TUBA3C: variants seen among roughly 807,000 people sequenced by gnomAD.
TUBA3C encodes tubulin alpha 3c, also known as tubulin alpha-3C chain.
Under a neutral mutation model 33.4 loss-of-function variants are expected in TUBA3C, and 23 were observed. The ratio of observed to expected loss-of-function variants is 0.69; its 90% CI spans 0.50 to 0.98. The LOEUF is 0.98. Among genes scored for constraint, TUBA3C ranks in the 50% least tolerant of loss-of-function variants. The probability of loss-of-function intolerance (pLI) is 0.00; values close to 1 mark genes in which losing one functional copy is unlikely to be tolerated. For synonymous variants in TUBA3C, 269 were observed against 250.4 expected (o/e 1.07, Z -0.70); for missense variants, 402 against 616.0 (o/e 0.65, Z 3.68).
chr13:19,181,419 G>T lies in TUBA3C; in HGVS notation c.3+326C>A, dbSNP rs143480098. On this transcript the variant is annotated intron_variant, in intron 1 of 4. Coordinates refer to ENST00000400113, the MANE Select transcript of TUBA3C (RefSeq NM_006001.3). ...AATAGGACAGAGACATTTGGAGACC[G>T]GAAAGCGGGAGCAGCGCCCTTCTGT... Among the ~76,000 whole-genome samples the T allele has an allele frequency of 5.0e-3, 758 of 152,258 alleles. 6 individuals are homozygous for T. Among genetic ancestry groups the T allele is most frequent in the Non-Finnish European group, 5.2e-3 (353 of 68,022 alleles).
chr13:19,177,152 T>A lies in TUBA3C; in HGVS notation c.831A>T (p.Ser277=), dbSNP rs147482964. The change falls in exon 4 of 5, where the codon TCA becomes TCT. Residue 277 remains serine (S), a synonymous_variant. Coordinates refer to ENST00000400113, the MANE Select transcript of TUBA3C (RefSeq NM_006001.3). The surrounding 1 kb of genome is among the most constrained non-coding windows in gnomAD (Gnocchi z 5.0). ...FPLATYAPVI[S]AEKAYHEQLS... ...GCTGCTCGTGGTAGGCCTTCTCGGC[T>A]GAGATGACCGGGGCGTAGGTGGCCA... The A allele has an allele frequency of 4.3e-6, 7 of 1,613,582 alleles. No homozygotes were observed. Among genetic ancestry groups the A allele is most frequent in the Non-Finnish European group, 5.9e-6 (7 of 1,179,816 alleles).
chr13:19,180,720 C>CTCCT (rs1481509094), intron 1 of TUBA3C, among the ~76,000 whole-genome samples: 2 of 152,042 alleles, frequency 1.3e-5, no homozygotes, highest in African/African-American at 4.8e-5. Context: ...TGGTCTCGAT[C>CTCCT]TCCTGACCTT....
chr13:19,177,846 G>GTTTTTTTTTTTTTTTTTTT lies in TUBA3C; in HGVS notation c.376-258_376-240dup, dbSNP rs5802006. 7.8e-6 allele frequency among the ~76,000 whole-genome samples: 1 copy of GTTTTTTTTTTTTTTTTTTT among 128,544 alleles called. No individual in the cohort carries two copies. Among genetic ancestry groups the GTTTTTTTTTTTTTTTTTTT allele is most frequent in the Non-Finnish European group, 1.7e-5 (1 of 60,538 alleles). 84.3% of individuals were successfully genotyped at this position (128,544 alleles called of 152,430 possible). On this transcript the variant is annotated intron_variant, in intron 3 of 4. Coordinates refer to ENST00000400113, the MANE Select transcript of TUBA3C (RefSeq NM_006001.3). This position sits in a 1 kb window ranked among gnomAD's most constrained non-coding sequence, Gnocchi z 5.0. ...AGGACTCAAGATACTGTTCTAAGTT[G>GTTTTTTTTTTTTTTTTTTT]TTTTTTTTTTTTTTTTTTTAGATAG...
chr13:19,178,353 C>G lies in TUBA3C; in HGVS notation c.268G>C (p.Glu90Gln). 1 of 1,614,196 alleles carries G rather than the reference C, an allele frequency of 6.2e-7. No homozygotes were observed. The highest frequency in any genetic ancestry group is 8.5e-7 in the Non-Finnish European group (1 of 1,180,034). The part of the protein sequence containing the change: ...TGTYRQLFHP[E>Q]QLITGKEDAA... The stretch of plus-strand genomic sequence containing the variant: ...TCTTCCTTCCCGGTGATCAGCTGCT[C>G]TGGGTGGAAGAGCTGCCTATAGGTT... The change falls in exon 3 of 5, where the codon GAG becomes CAG. Residue 90 changes from glutamate (E) to glutamine (Q), a missense_variant. Glu to Gln is a conservative substitution (Grantham distance 29, BLOSUM62 2). Transcript: ENST00000400113.
rs397839831 is a variant in TUBA3C at position 19,177,116 on chromosome 13, A to G, written c.867T>C (p.Ala289=). The change falls in exon 4 of 5, where the codon GCT becomes GCC. Residue 289 remains alanine (A), a synonymous_variant. Transcript: ENST00000400113. The surrounding 1 kb of genome is among the most constrained non-coding windows in gnomAD (Gnocchi z 5.0). Reference sequence around the variant, plus strand: ...GCTCGAAGCAGGCATTGGTGATCTCAGCCACGGACAGCTGCTCGTGGTAGG... The same window carrying G: ...GCTCGAAGCAGGCATTGGTGATCTCGGCCACGGACAGCTGCTCGTGGTAGG... The part of the protein sequence containing the change: ...EKAYHEQLSV[A]EITNACFEPA... 6.2e-7 allele frequency: 1 copy of G among 1,614,120 alleles called. No homozygotes were observed. The highest frequency in any genetic ancestry group is 8.5e-7 in the Non-Finnish European group (1 of 1,180,034).
Position 19,173,876 on chromosome 13 carries a change from C to A in TUBA3C, c.1340G>T (p.Gly447Val), listed in dbSNP as rs1290837472. 3.7e-6 allele frequency: 6 copies of A among 1,613,280 alleles called. No homozygotes were observed. In the South Asian group the frequency reaches 5.5e-5, roughly 15 times the overall value. The change falls in exon 5 of 5, where the codon GGT becomes GTT. Residue 447 changes from glycine to valine, a missense_variant. Transcript: ENST00000400113. ...VDSVEAEAEE[G>V]EEY is the part of the protein sequence containing the mutation. ...CACACCCTCCCCTCAGTATTCTTCA[C>A]CTTCTTCAGCCTCGGCTTCCACGGA...
chr13:19,180,824 A>G (rs1159033403), intron 1 of TUBA3C, among the ~76,000 whole-genome samples: 3 of 151,778 alleles, frequency 2.0e-5, no homozygotes, highest in African/African-American at 7.3e-5. Context: ...CAGCTGTGGC[A>G]GCACACACCT....
At position 19,173,875 on chromosome 13, in the gene TUBA3C, A is replaced by G. The variant is rs1052468; in HGVS notation, c.1341T>C (p.Gly447=). Residue 447 remains glycine, a synonymous_variant, in exon 5 of 5, where the codon GGT becomes GGC. Transcript: ENST00000400113. ...CCACACCCTCCCCTCAGTATTCTTC[A>G]CCTTCTTCAGCCTCGGCTTCCACGG... ...VDSVEAEAEE[G]EEY 1 of 1,613,122 alleles carries G rather than the reference A, an allele frequency of 6.2e-7. No individual in the cohort carries two copies. The highest frequency in any genetic ancestry group is 1.7e-5 in the Admixed American group (1 of 59,964).
chr13:19,175,044 C>T (rs752909838), intron 4 of TUBA3C, among the ~76,000 whole-genome samples: 47 of 152,052 alleles, frequency 3.1e-4, no homozygotes, highest in Admixed American at 7.2e-4. Context: ...GTCAGGAGAT[C>T]GAGACCATCC....
chr13:19,176,061 G>A (rs992462097), intron 4 of TUBA3C, among the ~76,000 whole-genome samples: 5 of 152,108 alleles, frequency 3.3e-5, no homozygotes, highest in Non-Finnish European at 7.3e-5. Flanking sequence ...TATTTTTAGT[G>A]GAGAGCTGTG....
chr13:19,178,528 G>A, intron 2 of TUBA3C, 134 bp from the exon 3 acceptor site: 1 of 1,220,124 alleles, frequency 8.2e-7, no homozygotes, highest in Non-Finnish European at 1.1e-6. Context: ...GGTCAACAGT[G>A]GCAGTGTCTG....
chr13:19,179,841 A>T (rs953576512), intron 1 of TUBA3C, among the ~76,000 whole-genome samples: 3 of 152,208 alleles, frequency 2.0e-5, no homozygotes, highest in African/African-American at 7.2e-5. Context: ...AAGCCATGTA[A>T]TGTCAGTAAT....
chr13:19,175,425 A>C (rs1869144368), intron 4 of TUBA3C, among the ~76,000 whole-genome samples: 1 of 152,122 alleles, frequency 6.6e-6, no homozygotes, highest in South Asian at 2.1e-4. Context: ...TTGGTTACTA[A>C]ATCTTGTGGC....
intron 4 of TUBA3C, among the ~76,000 whole-genome samples, chr13:19,175,498 C>G (rs1430662101): frequency 1.3e-5 from 2 of 152,144 alleles, no homozygotes; most frequent in African/African-American, 4.8e-5. Context: ...GGCTCAGACC[C>G]CCACCGTCTC....
intron 1 of TUBA3C, among the ~76,000 whole-genome samples, chr13:19,181,137 C>T (rs1323162256): frequency 6.6e-6 from 1 of 151,432 alleles, no homozygotes; most frequent in Non-Finnish European, 1.5e-5. Flanking sequence ...ACTGCGGCCT[C>T]GAAGTCCTGG....
chr13:19,179,360 G>A lies in TUBA3C; in HGVS notation c.207C>T (p.Asp69=). The part of the protein sequence containing the change: ...GKHVPRAVFV[D]LEPTVVDEVR... ...ACCTACCGACCACAGTGGGCTCCAG[G>A]TCCACAAACACTGCTCTGGGCACGT... Residue 69 remains aspartate (D), a synonymous_variant, in exon 2 of 5, where the codon GAC becomes GAT. Transcript: ENST00000400113. 1.2e-6 allele frequency: 2 copies of A among 1,613,966 alleles called. No homozygotes were observed. The highest frequency in any genetic ancestry group is 1.7e-6 in the Non-Finnish European group (2 of 1,179,874).
chr13:19,175,307 C>T (rs149980367), intron 4 of TUBA3C, among the ~76,000 whole-genome samples: 14 of 152,268 alleles, frequency 9.2e-5, no homozygotes, highest in Middle Eastern at 6.8e-3. Context: ...ATTTCTTTTC[C>T]GGGAAGCCTA....
intron 1 of TUBA3C, among the ~76,000 whole-genome samples, chr13:19,181,435 G>A (rs559904990): frequency 9.9e-5 from 15 of 152,240 alleles, no homozygotes; most frequent in Admixed American, 7.2e-4. Context: ...CGGGAGCAGC[G>A]CCCTTCTGTC....
Position 19,177,328 on chromosome 13 carries a change from T to A in TUBA3C, c.655A>T (p.Ile219Phe). 5 of 1,614,106 alleles carry A rather than the reference T, an allele frequency of 3.1e-6. No homozygotes were observed. Among genetic ancestry groups the A allele is most frequent in the Non-Finnish European group, 4.2e-6 (5 of 1,180,016 alleles). ...IYDICRRNLDIERPTYTNLNR... is the reference protein window; with the variant it reads ...IYDICRRNLDFERPTYTNLNR... Reference sequence around the variant, plus strand: ...AGGTTGGTGTACGTGGGACGCTCGATGTCCAGGTTGCGCCGACATATGTCA... The same window carrying A: ...AGGTTGGTGTACGTGGGACGCTCGAAGTCCAGGTTGCGCCGACATATGTCA... The change falls in exon 4 of 5, where the codon ATC becomes TTC. Residue 219 changes from isoleucine (I) to phenylalanine (F), a missense_variant. Coordinates refer to ENST00000400113, the MANE Select transcript of TUBA3C (RefSeq NM_006001.3). The surrounding 1 kb of genome is among the most constrained non-coding windows in gnomAD (Gnocchi z 5.0).
Sources: allele counts gnomAD v4.1 joint callset (sites outside exome capture counted in the v4.1 genomes callset), GRCh38; gene constraint gnomAD v4.1.1; non-coding constraint Gnocchi (gnomAD v3.1); transcripts MANE v1.5; gene names NCBI Gene and HGNC (gene_info 2026-07-23, HGNC 2026-07-21).